Variants in NR6A1 observed in about 807,000 individuals in gnomAD.
The protein encoded by NR6A1 is retinoic acid receptor-related testis-associated receptor.
NR6A1 carries 7 observed loss-of-function variants against 59.1 expected under a neutral mutation model. The observed-to-expected ratio is 0.12, with a 90% CI of 0.07 to 0.22. The LOEUF (loss-of-function observed/expected upper bound fraction) is 0.22, where lower values mean the gene tolerates loss of function less well. NR6A1 is among the 10% of genes least tolerant of loss of function. The probability of loss-of-function intolerance (pLI) is 1.00; values close to 1 mark genes in which losing one functional copy is unlikely to be tolerated. For missense variants in NR6A1, 468 were observed against 611.6 expected, an observed-to-expected ratio of 0.77 and a Z score of 2.48; for synonymous variants, 243 against 236.1, an observed-to-expected ratio of 1.03 and a Z score of -0.27.
chr9:124,655,541 G>A (rs575186336), intron 2 of NR6A1, among the ~76,000 whole-genome samples: 1 of 152,202 alleles, frequency 6.6e-6, no homozygotes, highest in South Asian at 2.1e-4. Context: ...CTATACAGAG[G>A]CACAAGGCAC....
intron 2 of NR6A1, among the ~76,000 whole-genome samples, chr9:124,680,488 C>T (rs564018837): frequency 2.4e-4 from 37 of 152,102 alleles, no homozygotes; most frequent in African/African-American, 6.5e-4. Context: ...ACAAAAAAAA[C>T]GGAGTGTACA....
intron 5 of NR6A1, among the ~76,000 whole-genome samples, chr9:124,539,679 T>C (rs1833384454): frequency 6.6e-6 from 1 of 152,206 alleles, no homozygotes; most frequent in Non-Finnish European, 1.5e-5. Flanking sequence ...GGCAGAGAAA[T>C]TACAGTTTAA....
Position 124,572,249 on chromosome 9 carries a change from C to A in NR6A1, c.143-17679G>T, listed in dbSNP as rs1015507390. ...AATACAAACTTTAAAAATCAAAATA[C>A]AAAATTAATGCAAGAAAAAGTTTTA... is the stretch of plus-strand genomic sequence containing the variant. On this transcript the variant is annotated intron_variant, in intron 2 of 9. Transcript: ENST00000487099. Among the ~76,000 whole-genome samples, 5 of 152,116 alleles carry A rather than the reference C, an allele frequency of 3.3e-5. No homozygotes were observed. In the East Asian group the frequency reaches 9.6e-4, roughly 29 times the overall value.
At chr9:124,741,489 A>T (rs1048223730) in intron 1 of NR6A1, among the ~76,000 whole-genome samples, 7 of 152,244 alleles carry the variant, frequency 4.6e-5, no homozygotes, top group Non-Finnish European at 8.8e-5. Context: ...ACAGAGAATT[A>T]ATAGTCTCTA....
chr9:124,692,856 T>C, intron 2 of NR6A1, among the ~76,000 whole-genome samples: 1 of 152,248 alleles, frequency 6.6e-6, no homozygotes, highest in Non-Finnish European at 1.5e-5. Context: ...TAAAAATACG[T>C]ATTTTGTTTT....
chr9:124,721,536 AG>A (rs1839564378), intron 2 of NR6A1, among the ~76,000 whole-genome samples: 1 of 152,220 alleles, frequency 6.6e-6, no homozygotes, highest in African/African-American at 2.4e-5. Flanking sequence ...AGGGACATAA[AG>A]GGAGGAAACA....
chr9:124,699,639 A>G (rs1428115969), intron 2 of NR6A1, among the ~76,000 whole-genome samples: 1 of 152,238 alleles, frequency 6.6e-6, no homozygotes, highest in Non-Finnish European at 1.5e-5. Context: ...TTGTTTAGGT[A>G]TAATTCACAT....
rs117088777 is a variant in NR6A1 at position 124,657,606 on chromosome 9, T to C, written c.142+75702A>G. 4.6e-5 allele frequency among the ~76,000 whole-genome samples: 7 copies of C among 152,234 alleles called. No individual in the cohort carries two copies. In the East Asian group the frequency reaches 1.4e-3, roughly 29 times the overall value. Reference sequence around the variant, plus strand: ...ATGACAGTCCTGTATAATGACCTGGTTTCCCAGTGGCTCAGAAAGATGGAA... The same window carrying C: ...ATGACAGTCCTGTATAATGACCTGGCTTCCCAGTGGCTCAGAAAGATGGAA... On this transcript the variant is annotated intron_variant, in intron 2 of 9. Coordinates refer to ENST00000487099, the MANE Select transcript of NR6A1 (RefSeq NM_033334.4).
intron 2 of NR6A1, among the ~76,000 whole-genome samples, chr9:124,631,912 T>C (rs1836455074): frequency 6.6e-6 from 1 of 152,224 alleles, no homozygotes; most frequent in African/African-American, 2.4e-5. Context: ...AGTGAGAACA[T>C]GCGGTATTTG....
chr9:124,731,357 G>A (rs1326697893), intron 2 of NR6A1, among the ~76,000 whole-genome samples: 9 of 144,284 alleles, frequency 6.2e-5, no homozygotes, highest in Admixed American at 4.2e-4. Context: ...GTGACAGAGC[G>A]AAACTCCATC....
rs372655121 is a variant in NR6A1, at chr9:124,576,131, C to T, written c.143-21561G>A. Reference sequence around the variant, plus strand: ...TCAGTAGCCTCACTGCTCCCCATTACATCTACCTGCAGTTCAGGATGACTG... The same window carrying T: ...TCAGTAGCCTCACTGCTCCCCATTATATCTACCTGCAGTTCAGGATGACTG... On this transcript the variant is annotated intron_variant, in intron 2 of 9. Transcript: ENST00000487099. Among the ~76,000 whole-genome samples the T allele has an allele frequency of 1.1e-3, 175 of 152,310 alleles. 2 individuals are homozygous for T. The highest frequency in any genetic ancestry group is 3.7e-3 in the African/African-American group (155 of 41,556).
chr9:124,717,841 C>T (rs1482999903), intron 2 of NR6A1, among the ~76,000 whole-genome samples: 1 of 152,040 alleles, frequency 6.6e-6, no homozygotes, highest in Non-Finnish European at 1.5e-5. Flanking sequence ...TAAAATGGGG[C>T]AGAACAAGAG....
At chr9:124,719,658 CCTGTAATCTCAGCACT>C (rs1312853625) in intron 2 of NR6A1, among the ~76,000 whole-genome samples, 4 of 152,118 alleles carry the variant, frequency 2.6e-5, no homozygotes, top group African/African-American at 9.7e-5. Flanking sequence ...GTGGCTCACA[CCTGTAATCTCAGCACT>C]CTGGGAAGCC....
intron 2 of NR6A1, among the ~76,000 whole-genome samples, chr9:124,731,898 A>G (rs1345540921): frequency 1.3e-5 from 2 of 152,196 alleles, no homozygotes; most frequent in Non-Finnish European, 2.9e-5. Flanking sequence ...GTGGACTTTC[A>G]ACTGTGCAGG....
chr9:124,624,978 G>A (rs1018695677), intron 2 of NR6A1, among the ~76,000 whole-genome samples: 14 of 144,370 alleles, frequency 9.7e-5, no homozygotes, highest in South Asian at 2.2e-4. Flanking sequence ...AAAATCTTTA[G>A]GTTCTGCCAA....
At chr9:124,619,582 A>T (rs1382510905) in intron 2 of NR6A1, among the ~76,000 whole-genome samples, 3 of 151,248 alleles carry the variant, frequency 2.0e-5, no homozygotes, top group South Asian at 2.1e-4. Context: ...TACTTTTTTT[A>T]AAAAAACTGC....
intron 2 of NR6A1, chr9:124,598,785 T>C (rs1835358641): frequency 1.1e-6 from 1 of 915,596 alleles, no homozygotes; most frequent in East Asian, 2.9e-5. Context: ...CGCCACTTTT[T>C]CGGCATGATC....
Position 124,760,118 on chromosome 9 carries a change from C to T in NR6A1, c.100+10902G>A, listed in dbSNP as rs191409923. Among the ~76,000 whole-genome samples, 25 of 151,152 alleles carry T rather than the reference C, an allele frequency of 1.7e-4. No individual in the cohort carries two copies. In the East Asian group the frequency reaches 4.9e-3, roughly 29 times the overall value. On this transcript the variant is annotated intron_variant, in intron 1 of 9. Transcript: ENST00000487099. ...CCTGAGATCACAAGTTCGAGACCAG[C>T]CTGGCCAACATGGTGAAATCTCGTC...
chr9:124,741,760 G>C (rs1840178687), intron 1 of NR6A1, among the ~76,000 whole-genome samples: 1 of 152,192 alleles, frequency 6.6e-6, no homozygotes, highest in Non-Finnish European at 1.5e-5. Flanking sequence ...TTTCAGAATA[G>C]GTTTGAGTCC....
Sources: allele counts gnomAD v4.1 joint callset (sites outside exome capture counted in the v4.1 genomes callset), GRCh38; gene constraint gnomAD v4.1.1; transcripts MANE v1.5; gene names NCBI Gene and HGNC (gene_info 2026-07-23, HGNC 2026-07-21).